Variants in RNF220 observed in about 807,000 individuals in gnomAD.
The protein encoded by RNF220 is ring finger protein 220, also known as E3 ubiquitin-protein ligase RNF220.
A neutral mutation model predicts 67.1 loss-of-function variants in RNF220; 7 were observed. The ratio of observed to expected loss-of-function variants is 0.10; its 90% CI spans 0.06 to 0.20. The LOEUF is 0.20. Ranked by LOEUF, RNF220 falls within the 10% of genes least tolerant of loss-of-function variation. The pLI is 1.00. For synonymous variants in RNF220, 270 were observed against 283.2 expected, an observed-to-expected ratio of 0.95 and a Z score of 0.47; for missense variants, 565 against 740.3, an observed-to-expected ratio of 0.76 and a Z score of 2.75.
intron 2 of RNF220, among the ~76,000 whole-genome samples, chr1:44,596,047 C>A (rs904327084): frequency 6.6e-6 from 1 of 152,168 alleles, no homozygotes; most frequent in Non-Finnish European, 1.5e-5. Flanking sequence ...TACGGGCGTG[C>A]GCCGCCATGC....
At chr1:44,415,926 C>T (rs1398204691) in intron 2 of RNF220, among the ~76,000 whole-genome samples, 1 of 152,220 alleles carries the variant, frequency 6.6e-6, no homozygotes, top group Non-Finnish European at 1.5e-5. Flanking sequence ...CACACATGTT[C>T]TTTCCTTAAA....
intron 2 of RNF220, among the ~76,000 whole-genome samples, chr1:44,566,603 G>A (rs145025329): frequency 0.011 from 1,642 of 152,284 alleles, 17 homozygotes; most frequent in Admixed American, 0.018. Context: ...AGACTGGGAT[G>A]GGGTTTCTCC....
At chr1:44,644,889 C>T in intron 9 of RNF220, 95 bp downstream of exon 9, 3 of 1,531,294 alleles carry the variant, frequency 2.0e-6, no homozygotes, top group Non-Finnish European at 2.7e-6. Context: ...GCACCACCCC[C>T]CGGGCCAGAG....
chr1:44,438,684 A>G (rs866715846), intron 2 of RNF220, among the ~76,000 whole-genome samples: 8 of 152,232 alleles, frequency 5.3e-5, no homozygotes, highest in African/African-American at 1.9e-4. Flanking sequence ...CAAAAACCCT[A>G]TACCAGAGAA....
At chr1:44,569,982 G>A (rs564597476) in intron 2 of RNF220, among the ~76,000 whole-genome samples, 9 of 152,264 alleles carry the variant, frequency 5.9e-5, no homozygotes, top group African/African-American at 1.9e-4. Flanking sequence ...GGGCACCCTT[G>A]GGACCATCCT....
At chr1:44,520,783 C>T (rs78397804) in intron 2 of RNF220, among the ~76,000 whole-genome samples, 2,210 of 152,306 alleles carry the variant, frequency 0.015, 48 homozygotes, top group African/African-American at 0.05. Context: ...TAAGACTGTA[C>T]AAGTTTCTTT....
intron 2 of RNF220, among the ~76,000 whole-genome samples, chr1:44,479,513 A>T (rs751934716): frequency 6.6e-6 from 1 of 152,142 alleles, no homozygotes; most frequent in Non-Finnish European, 1.5e-5. Context: ...AGACTTAAGT[A>T]CTGGGAATGT....
At chr1:44,440,240 T>C (rs111460016) in intron 2 of RNF220, among the ~76,000 whole-genome samples, 5,722 of 152,310 alleles carry the variant, frequency 0.038, 225 homozygotes, top group African/African-American at 0.11. Flanking sequence ...GTGGCTACTA[T>C]ATTGGACAGA....
At chr1:44,416,378 A>G (rs959213164) in intron 2 of RNF220, among the ~76,000 whole-genome samples, 5 of 152,206 alleles carry the variant, frequency 3.3e-5, no homozygotes, top group Non-Finnish European at 1.5e-5. Flanking sequence ...TAAAATAAAC[A>G]TTTCCTCATT....
chr1:44,467,125 G>A (rs1654342830), intron 2 of RNF220, among the ~76,000 whole-genome samples: 1 of 152,164 alleles, frequency 6.6e-6, no homozygotes, highest in Admixed American at 6.5e-5. Flanking sequence ...ATCAGCACTT[G>A]CTACTCCACC....
At chr1:44,468,358 A>T (rs1180961958) in intron 2 of RNF220, among the ~76,000 whole-genome samples, 2 of 152,092 alleles carry the variant, frequency 1.3e-5, no homozygotes, top group Non-Finnish European at 2.9e-5. Flanking sequence ...ACTGATATGG[A>T]AAGGTCTCTG....
chr1:44,610,823 C>T (rs556100868), intron 2 of RNF220, among the ~76,000 whole-genome samples: 1 of 152,290 alleles, frequency 6.6e-6, no homozygotes, highest in Non-Finnish European at 1.5e-5. Flanking sequence ...TGCTTCCTCC[C>T]AAGCCTAGGA....
At chr1:44,448,935 T>G (rs1652382288) in intron 2 of RNF220, among the ~76,000 whole-genome samples, 1 of 152,246 alleles carries the variant, frequency 6.6e-6, no homozygotes, top group Non-Finnish European at 1.5e-5. Context: ...TCCCAGACAC[T>G]GCTCTCTCCT....
At chr1:44,426,400 G>A (rs1649776814) in intron 2 of RNF220, among the ~76,000 whole-genome samples, 2 of 152,192 alleles carry the variant, frequency 1.3e-5, no homozygotes, top group South Asian at 4.1e-4. Flanking sequence ...TTAAAGCTGG[G>A]CCAGGAGGAT....
chr1:44,518,072 A>G (rs1659596714), intron 2 of RNF220, among the ~76,000 whole-genome samples: 1 of 152,056 alleles, frequency 6.6e-6, no homozygotes, highest in African/African-American at 2.4e-5. Context: ...GTGCCACTGC[A>G]CTCCAACCTG....
At chr1:44,428,179 T>C (rs1010872683) in intron 2 of RNF220, among the ~76,000 whole-genome samples, 1 of 152,296 alleles carries the variant, frequency 6.6e-6, no homozygotes, top group South Asian at 2.1e-4. Context: ...AATTCTACAC[T>C]AAACTCCTAC....
intron 2 of RNF220, among the ~76,000 whole-genome samples, chr1:44,609,378 G>A (rs1667501679): frequency 6.6e-6 from 1 of 152,182 alleles, no homozygotes; most frequent in Non-Finnish European, 1.5e-5. Context: ...GGCGAGAATG[G>A]AACTCTCATG....
rs118031294 is a variant in RNF220, at chr1:44,568,410, A to G, written c.626-45755A>G. 3.0e-4 allele frequency among the ~76,000 whole-genome samples: 45 copies of G among 152,286 alleles called. No homozygotes were observed. In the East Asian group the frequency reaches 6.4e-3, roughly 22 times the overall value. On this transcript the variant is annotated intron_variant, in intron 2 of 14. Coordinates refer to ENST00000361799, the MANE Select transcript of RNF220 (RefSeq NM_018150.4). ...GTCTTTCCCACCTGTGACCTTGAGCACCCTGAATTTATCTTAATTCTTGTT... is the reference window on the plus strand; with the variant it reads ...GTCTTTCCCACCTGTGACCTTGAGCGCCCTGAATTTATCTTAATTCTTGTT...
intron 2 of RNF220, among the ~76,000 whole-genome samples, chr1:44,456,000 C>T (rs1322909682): frequency 6.6e-6 from 1 of 152,100 alleles, no homozygotes; most frequent in East Asian, 1.9e-4. Flanking sequence ...TCCAAAGATC[C>T]CTCTAGCTTT....
Sources: gnomAD v4.1 joint callset for allele counts (sites outside exome capture counted in the v4.1 genomes callset) on GRCh38, gnomAD v4.1.1 for gene constraint, MANE v1.5 for transcripts, NCBI Gene and HGNC (gene_info 2026-07-23, HGNC 2026-07-21) for gene names.